The following FAM117B variants were observed in gnomAD, a reference collection of about 807,000 sequenced individuals.
The protein encoded by FAM117B is family with sequence similarity 117 member B, also known as protein FAM117B.
Under a neutral mutation model 52.8 loss-of-function variants are expected in FAM117B, and 22 were observed. The observed-to-expected ratio is 0.42, with a 90% confidence interval of 0.30 to 0.59. FAM117B has a LOEUF of 0.59. FAM117B is among the 20% of genes least tolerant of loss of function. The probability of loss-of-function intolerance (pLI) is 0.22; values close to 1 mark genes in which losing one functional copy is unlikely to be tolerated. For synonymous variants in FAM117B, 309 were observed against 324.1 expected, an observed-to-expected ratio of 0.95 and a Z score of 0.50; for missense variants, 678 against 802.6, an observed-to-expected ratio of 0.84 and a Z score of 1.88.
chr2:202,729,539 A>G (rs2105788777), intron 4 of FAM117B, among the ~76,000 whole-genome samples: 1 of 152,324 alleles, frequency 6.6e-6, no homozygotes, highest in African/African-American at 2.4e-5. Context: ...TGTGGTGATA[A>G]AAGAAATATT....
chr2:202,716,083 G>A (rs575760936), intron 2 of FAM117B, among the ~76,000 whole-genome samples: 1 of 152,238 alleles, frequency 6.6e-6, no homozygotes, highest in South Asian at 2.1e-4. Flanking sequence ...AAAGGGGAGA[G>A]GGAGAGGGAG....
chr2:202,765,629 T>C lies in FAM117B; in HGVS notation c.1635T>C (p.Thr545=). The C allele has an allele frequency of 6.2e-7, 1 of 1,614,132 alleles. No individual in the cohort carries two copies. Among genetic ancestry groups the C allele is most frequent in the Admixed American group, 1.7e-5 (1 of 60,018 alleles). The change falls in exon 8 of 8, where the codon ACT becomes ACC. Residue 545 remains threonine, a synonymous_variant. Transcript: ENST00000392238. The part of the protein sequence containing the change: ...SLTVTTGMTT[T]LLQPIAVASL... ...CAGTCACCACTGGCATGACAACCAC[T>C]CTGCTGCAGCCTATTGCTGTGGCCT...
intron 1 of FAM117B, among the ~76,000 whole-genome samples, chr2:202,669,745 C>T (rs1410334934): frequency 6.6e-6 from 1 of 152,106 alleles, no homozygotes; most frequent in East Asian, 1.9e-4. Context: ...TCCGCCTTAT[C>T]CTTGAGTGCT....
At chr2:202,669,000 A>G (rs1690251651) in intron 1 of FAM117B, among the ~76,000 whole-genome samples, 1 of 152,164 alleles carries the variant, frequency 6.6e-6, no homozygotes. Context: ...CAAGTTGGAT[A>G]ATTTGAAAGA....
intron 1 of FAM117B, among the ~76,000 whole-genome samples, chr2:202,665,492 T>C (rs1435989748): frequency 6.6e-6 from 1 of 152,218 alleles, no homozygotes. Flanking sequence ...CACTACTAAC[T>C]GATTAGCAAC....
chr2:202,689,073 A>G lies in FAM117B; in HGVS notation c.602-6808A>G, dbSNP rs1347135490. ...TCAACAATAAGTAATTGAATGCATA[A>G]TGGGACCTCATTTATATAAAATCAT... On this transcript the variant is annotated intron_variant, in intron 1 of 7. Transcript: ENST00000392238. Among the ~76,000 whole-genome samples the G allele has an allele frequency of 4.6e-5, 7 of 152,328 alleles. No individual in the cohort carries two copies. In the East Asian group the frequency reaches 9.6e-4, roughly 21 times the overall value.
At chr2:202,670,529 G>A (rs576446294) in intron 1 of FAM117B, among the ~76,000 whole-genome samples, 119 of 152,102 alleles carry the variant, frequency 7.8e-4, no homozygotes, top group African/African-American at 2.8e-3. Context: ...GACCTCAAGT[G>A]ATCCTGCCTC....
intron 4 of FAM117B, among the ~76,000 whole-genome samples, chr2:202,752,291 C>T (rs1691736064): frequency 6.6e-6 from 1 of 152,112 alleles, no homozygotes; most frequent in African/African-American, 2.4e-5. Flanking sequence ...TATGAGGACC[C>T]AACACTAACT....
At chr2:202,694,410 C>G (rs1013106068) in intron 1 of FAM117B, among the ~76,000 whole-genome samples, 2 of 151,758 alleles carry the variant, frequency 1.3e-5, no homozygotes, top group Non-Finnish European at 2.9e-5. Context: ...AGGGTGGTCT[C>G]GAACTTCTGA....
intron 1 of FAM117B, among the ~76,000 whole-genome samples, chr2:202,655,622 A>G (rs1429409390): frequency 2.6e-5 from 4 of 151,258 alleles, no homozygotes; most frequent in Admixed American, 2.6e-4. Context: ...AGAAGAGGTT[A>G]TGTAGCATTG....
At chr2:202,644,659 G>T (rs1420252693) in intron 1 of FAM117B, among the ~76,000 whole-genome samples, 2 of 152,218 alleles carry the variant, frequency 1.3e-5, no homozygotes, top group Non-Finnish European at 2.9e-5. Context: ...CCCAGACCTT[G>T]AATATCTTCA....
At position 202,684,491 on chromosome 2, in the gene FAM117B, C is replaced by T. The variant is rs187689198; in HGVS notation, c.602-11390C>T. Among the ~76,000 whole-genome samples, 44 of 152,218 alleles carry T rather than the reference C, an allele frequency of 2.9e-4. No individual in the cohort carries two copies. In the East Asian group the frequency reaches 5.4e-3, roughly 19 times the overall value. On this transcript the variant is annotated intron_variant, in intron 1 of 7. Transcript: ENST00000392238. ...GTTCTCTCCCTTTTTCTTCAGCTCT[C>T]GTGTTATAAACAAATGTCCTTTTCG...
At chr2:202,701,746 A>G (rs969913785) in intron 2 of FAM117B, among the ~76,000 whole-genome samples, 1 of 152,234 alleles carries the variant, frequency 6.6e-6, no homozygotes, top group African/African-American at 2.4e-5. Flanking sequence ...CAAGATAACT[A>G]GAATTAGAAG....
rs1689748682 is a variant in FAM117B, at chr2:202,640,293, A to ATAT, written c.601+4505_601+4506insTAT. On this transcript the variant is annotated intron_variant, in intron 1 of 7. Coordinates refer to ENST00000392238, the MANE Select transcript of FAM117B (RefSeq NM_173511.4). ...TCACAACAACCACCACCACCACCAC[A>ATAT]AAATATATATATATATATATATATA... 8.1e-5 allele frequency among the ~76,000 whole-genome samples: 5 copies of ATAT among 61,684 alleles called. No individual in the cohort carries two copies. In the Admixed American group the frequency reaches 9.4e-4, roughly 12 times the overall value. The allele number at this position is 61,684 out of a possible 152,430, so 40.5% of individuals were successfully genotyped here.
In FAM117B at chr2:202,638,354, T is replaced by A. The variant is rs1689718152; in HGVS notation, c.601+2566T>A. ...AGAATCTGGCTCTCTTAACAACTGT[T>A]TGACACTCAGAGAAACACCCTGAGG... On this transcript the variant is annotated intron_variant, in intron 1 of 7. Transcript: ENST00000392238. 3.9e-5 allele frequency among the ~76,000 whole-genome samples: 6 copies of A among 152,256 alleles called. No homozygotes were observed. The South Asian group carries it at 1.2e-3, about 32-fold the overall frequency.
At chr2:202,680,709 A>G (rs1690449589) in intron 1 of FAM117B, among the ~76,000 whole-genome samples, 3 of 152,240 alleles carry the variant, frequency 2.0e-5, no homozygotes, top group African/African-American at 4.8e-5. Context: ...TTAAAGTGCT[A>G]ATAGATAAAA....
chr2:202,659,914 CG>C (rs1690104836), intron 1 of FAM117B, among the ~76,000 whole-genome samples: 5 of 151,948 alleles, frequency 3.3e-5, no homozygotes, highest in African/African-American at 1.2e-4. Flanking sequence ...CCACTGCGCC[CG>C]GCCACCACCG....
chr2:202,689,382 G>T (rs1172460205), intron 1 of FAM117B, among the ~76,000 whole-genome samples: 5 of 152,254 alleles, frequency 3.3e-5, no homozygotes, highest in Non-Finnish European at 7.4e-5. Context: ...GCTTGAGGTT[G>T]CAGTGAGCCG....
chr2:202,645,049 T>G (rs957729725), intron 1 of FAM117B, among the ~76,000 whole-genome samples: 2 of 152,226 alleles, frequency 1.3e-5, no homozygotes, highest in Non-Finnish European at 2.9e-5. Flanking sequence ...TGGTATATCT[T>G]GGAGCACATC....
Sources: allele counts gnomAD v4.1 joint callset (sites outside exome capture counted in the v4.1 genomes callset), GRCh38; gene constraint gnomAD v4.1.1; transcripts MANE v1.5; gene names NCBI Gene and HGNC (gene_info 2026-07-23, HGNC 2026-07-21).